COL24A1: variants seen among roughly 807,000 people sequenced by gnomAD.
COL24A1 encodes the protein collagen alpha-1(XXIV) chain.
A neutral mutation model predicts 253.9 loss-of-function variants in COL24A1; 224 were observed. The ratio of observed to expected loss-of-function variants is 0.88; its 90% CI spans 0.79 to 0.99. COL24A1 has a LOEUF of 0.99. Ranked by LOEUF, COL24A1 falls within the 50% of genes least tolerant of loss-of-function variation. COL24A1 has a pLI of 0.00. For missense variants in COL24A1, 2,131 were observed against 2,068.5 expected (o/e 1.03, Z -0.59); for synonymous variants, 685 against 673.7 (o/e 1.02, Z -0.26).
chr1:86,076,750 C>A (rs1702281984), intron 7 of COL24A1, among the ~76,000 whole-genome samples: 1 of 152,152 alleles, frequency 6.6e-6, no homozygotes. Flanking sequence ...GGAAAAGATT[C>A]CCTATTTAAT....
chr1:85,761,642 A>C (rs1666862009), intron 53 of COL24A1, 76 bp from the exon 54 acceptor site: 4 of 1,409,170 alleles, frequency 2.8e-6, no homozygotes. Flanking sequence ...ACTAATATTC[A>C]ACCTCTGTAA....
intron 9 of COL24A1, 34 bp downstream of exon 9, chr1:86,059,087 C>A: frequency 6.7e-7 from 1 of 1,490,762 alleles, no homozygotes; most frequent in South Asian, 1.2e-5. Flanking sequence ...TAAATAGGAA[C>A]ACAAAGAGAA....
intron 55 of COL24A1, among the ~76,000 whole-genome samples, chr1:85,755,756 A>C (rs1039029079): frequency 6.6e-6 from 1 of 152,182 alleles, no homozygotes; most frequent in East Asian, 1.9e-4. Context: ...ACTCAAAATG[A>C]ATCAAAGACT....
intron 47 of COL24A1, among the ~76,000 whole-genome samples, chr1:85,793,740 C>G (rs1368575793): frequency 1.3e-5 from 2 of 151,986 alleles, no homozygotes; most frequent in Non-Finnish European, 2.9e-5. Context: ...TGAGATGGTG[C>G]CATTTTAGAG....
At chr1:85,948,319 T>C (rs1689528783) in intron 24 of COL24A1, among the ~76,000 whole-genome samples, 1 of 151,550 alleles carries the variant, frequency 6.6e-6, no homozygotes, top group Non-Finnish European at 1.5e-5. Context: ...GGTCAGGAGA[T>C]CGAGACCATC....
intron 24 of COL24A1, among the ~76,000 whole-genome samples, chr1:85,948,523 C>CA (rs751884453): frequency 0.017 from 1,075 of 63,186 alleles, 24 homozygotes; most frequent in African/African-American, 0.021. Flanking sequence ...GACTCCGTCT[C>CA]AAAAAAAAAA....
At chr1:85,744,897 CAGG>C (rs1665045409) in intron 56 of COL24A1, 63 bp from the exon 57 acceptor site, 10 of 1,286,482 alleles carry the variant, frequency 7.8e-6, no homozygotes, top group African/African-American at 1.5e-5. Flanking sequence ...TGGGCCAAGG[CAGG>C]AGAAGAATGT....
At chr1:85,910,067 A>T (rs1685220690) in intron 25 of COL24A1, 64 bp from the exon 26 acceptor site, 1 of 1,281,244 alleles carries the variant, frequency 7.8e-7, no homozygotes, top group African/African-American at 1.5e-5. Flanking sequence ...GACTGAGCTA[A>T]GCCTAGAAAG....
chr1:85,854,716 T>TG (rs1678226980), intron 37 of COL24A1, among the ~76,000 whole-genome samples: 1 of 151,910 alleles, frequency 6.6e-6, no homozygotes, highest in Non-Finnish European at 1.5e-5. Flanking sequence ...TTTTTGTTTT[T>TG]TTTTTTTGAG....
At chr1:85,912,924 G>A (rs6703454) in intron 24 of COL24A1, among the ~76,000 whole-genome samples, 47,875 of 152,028 alleles carry the variant, frequency 0.31, 8,534 homozygotes, top group East Asian at 0.51. Context: ...ATATATTGGT[G>A]TAAATGAAAT....
At chr1:85,815,580 A>G (rs1044881309) in intron 47 of COL24A1, among the ~76,000 whole-genome samples, 1 of 152,132 alleles carries the variant, frequency 6.6e-6, no homozygotes, top group Non-Finnish European at 1.5e-5. Flanking sequence ...TGACATAATT[A>G]TATTGGTTAA....
intron 42 of COL24A1, among the ~76,000 whole-genome samples, chr1:85,840,367 T>C (rs1676469100): frequency 6.6e-6 from 1 of 152,170 alleles, no homozygotes; most frequent in Non-Finnish European, 1.5e-5. Flanking sequence ...TATATATCTA[T>C]TGCCTCTATA....
intron 14 of COL24A1, among the ~76,000 whole-genome samples, chr1:86,025,350 A>G (rs1468790945): frequency 1.3e-5 from 2 of 152,196 alleles, no homozygotes; most frequent in Admixed American, 1.3e-4. Flanking sequence ...CTTCTGAGTT[A>G]AGTCAAAGAA....
intron 21 of COL24A1, 31 bp downstream of exon 21, chr1:85,971,309 T>C (rs751021580): frequency 1.3e-6 from 2 of 1,598,256 alleles, no homozygotes; most frequent in Admixed American, 1.7e-5. Context: ...AAAACCTTGC[T>C]GAAGCTGACT....
chr1:85,864,606 A>G (rs1679574658), intron 37 of COL24A1, among the ~76,000 whole-genome samples: 2 of 152,164 alleles, frequency 1.3e-5, no homozygotes, highest in South Asian at 4.1e-4. Flanking sequence ...ATATCTTATC[A>G]TTCTTTTCTA....
intron 32 of COL24A1, among the ~76,000 whole-genome samples, chr1:85,881,947 A>G (rs933259251): frequency 1.3e-5 from 2 of 151,854 alleles, no homozygotes; most frequent in Non-Finnish European, 2.9e-5. Flanking sequence ...AATCTTAAGT[A>G]TTTCTTCTTT....
At chr1:85,996,251 C>G (rs1350601982) in intron 19 of COL24A1, among the ~76,000 whole-genome samples, 2 of 152,272 alleles carry the variant, frequency 1.3e-5, no homozygotes, top group African/African-American at 4.8e-5. Context: ...CAGATAAAAT[C>G]AGTGGAGCTC....
At position 85,767,103 on chromosome 1, in the gene COL24A1, C is replaced by CAATAATAATAATAAT. The variant is rs67386357; in HGVS notation, c.4375-5552_4375-5538dup. ...TGGGTGACAGAGTGAGACTCCGTCT[C>CAATAATAATAATAAT]AATAATAATAATAATAATAATAATA... is the stretch of plus-strand genomic sequence containing the variant. On this transcript the variant is annotated intron_variant, in intron 53 of 59. Transcript: ENST00000370571. 1.2e-3 allele frequency among the ~76,000 whole-genome samples: 174 copies of CAATAATAATAATAAT among 145,656 alleles called. 2 individuals carry two copies. The highest frequency in any genetic ancestry group is 0.011 in the South Asian group (51 of 4,462).
At chr1:85,977,009 G>A (rs561233722) in intron 20 of COL24A1, among the ~76,000 whole-genome samples, 27 of 152,226 alleles carry the variant, frequency 1.8e-4, no homozygotes, top group African/African-American at 6.3e-4. Flanking sequence ...TGCTGGTATC[G>A]ACAGCTGAGA....
Sources: allele counts gnomAD v4.1 joint callset (sites outside exome capture counted in the v4.1 genomes callset), GRCh38; gene constraint gnomAD v4.1.1; transcripts MANE v1.5; gene names NCBI Gene and HGNC (gene_info 2026-07-23, HGNC 2026-07-21).